Variants in CDH13 observed in about 807,000 individuals in gnomAD.
CDH13 encodes the protein cadherin 13.
CDH13 carries 24 observed loss-of-function variants against 63.8 expected under a neutral mutation model. The ratio of observed to expected loss-of-function variants is 0.38; its 90% CI spans 0.27 to 0.53. The LOEUF (loss-of-function observed/expected upper bound fraction) is 0.53. CDH13 is among the 20% of genes least tolerant of loss of function. CDH13 has a pLI of 0.85. For missense variants in CDH13, 1,049 were observed against 903.1 expected, an observed-to-expected ratio of 1.16 and a Z score of -2.07; for synonymous variants, 503 against 355.3, an observed-to-expected ratio of 1.42 and a Z score of -4.67.
intron 2 of CDH13, among the ~76,000 whole-genome samples, chr16:83,019,164 C>G: frequency 6.6e-6 from 1 of 152,204 alleles, no homozygotes; most frequent in East Asian, 1.9e-4. Flanking sequence ...TGTGGTAACA[C>G]TTAGCTTACA....
intron 1 of CDH13, among the ~76,000 whole-genome samples, chr16:82,638,841 T>A (rs921139836): frequency 9.9e-5 from 15 of 150,824 alleles, no homozygotes; most frequent in Non-Finnish European, 2.2e-4. Flanking sequence ...TGCGTTTGTG[T>A]GCATGCACGC....
chr16:82,651,407 G>T (rs1276920553), intron 1 of CDH13, among the ~76,000 whole-genome samples: 2 of 152,188 alleles, frequency 1.3e-5, no homozygotes, highest in African/African-American at 2.4e-5. Context: ...ACATTTTGCA[G>T]TTAAGAAAAG....
intron 5 of CDH13, among the ~76,000 whole-genome samples, chr16:83,295,978 A>G (rs570739299): frequency 6.6e-6 from 1 of 152,196 alleles, no homozygotes; most frequent in East Asian, 1.9e-4. Context: ...AAAGAATTAA[A>G]ATTGTATCTT....
At chr16:82,939,862 C>G (rs770899299) in intron 2 of CDH13, among the ~76,000 whole-genome samples, 2 of 152,122 alleles carry the variant, frequency 1.3e-5, no homozygotes, top group Admixed American at 1.3e-4. Flanking sequence ...TATATTCGCA[C>G]GTTTTCACGC....
chr16:82,725,991 G>C (rs973325293), intron 1 of CDH13, among the ~76,000 whole-genome samples: 2 of 152,172 alleles, frequency 1.3e-5, no homozygotes, highest in African/African-American at 2.4e-5. Context: ...GGTGCACAGA[G>C]GGTGGCCGTG....
chr16:82,832,384 G>C (rs145043177), intron 1 of CDH13, among the ~76,000 whole-genome samples: 59 of 152,182 alleles, frequency 3.9e-4, no homozygotes, highest in African/African-American at 1.4e-3. Context: ...GTGTTTTACA[G>C]CAAGTAGGTA....
intron 2 of CDH13, among the ~76,000 whole-genome samples, chr16:83,031,743 C>T (rs548509543): frequency 6.6e-6 from 1 of 152,268 alleles, no homozygotes; most frequent in Non-Finnish European, 1.5e-5. Context: ...ACTCTTCACT[C>T]CACTGAGAAG....
At chr16:83,449,055 G>A (rs763999856) in intron 6 of CDH13, among the ~76,000 whole-genome samples, 2 of 152,192 alleles carry the variant, frequency 1.3e-5, no homozygotes, top group South Asian at 2.1e-4. Flanking sequence ...TTTTAGACTC[G>A]AGAATAGATC....
intron 1 of CDH13, among the ~76,000 whole-genome samples, chr16:82,786,044 G>GGCA (rs1387366748): frequency 6.6e-6 from 1 of 152,208 alleles, no homozygotes; most frequent in Non-Finnish European, 1.5e-5. Flanking sequence ...TGAGTGCTTT[G>GGCA]GCAGGAGTCA....
rs2072591377 is a variant in CDH13 at position 83,444,155 on chromosome 16, AGAT to A, written c.782-42314_782-42312del. On this transcript the variant is annotated intron_variant, in intron 6 of 13. Coordinates refer to ENST00000567109, the MANE Select transcript of CDH13 (RefSeq NM_001257.5). ...GAAGATGTGGCTGCTGATGTGACAA[AGAT>A]GATGATGGTGATGGTGATGATGGCA... 1.3e-5 allele frequency among the ~76,000 whole-genome samples: 2 copies of A among 152,070 alleles called. 1 individual carries two copies. The highest frequency in any genetic ancestry group is 2.9e-5 in the Non-Finnish European group (2 of 67,998).
At chr16:82,780,484 C>T (rs1343757115) in intron 1 of CDH13, among the ~76,000 whole-genome samples, 2 of 152,202 alleles carry the variant, frequency 1.3e-5, no homozygotes, top group East Asian at 3.9e-4. Flanking sequence ...CTGACTCTTC[C>T]CCTCTGCAGC....
At chr16:82,761,088 A>T (rs1300561914) in intron 1 of CDH13, among the ~76,000 whole-genome samples, 2 of 119,924 alleles carry the variant, frequency 1.7e-5, no homozygotes, top group South Asian at 5.6e-4. Flanking sequence ...CAGTGGCATG[A>T]TCTTAGCTCA....
intron 1 of CDH13, among the ~76,000 whole-genome samples, chr16:82,685,749 C>T (rs1431281457): frequency 6.6e-6 from 1 of 152,216 alleles, no homozygotes; most frequent in African/African-American, 2.4e-5. Context: ...GCTTTTATCT[C>T]TTCCTATGTG....
intron 6 of CDH13, among the ~76,000 whole-genome samples, chr16:83,365,689 A>G (rs1157342358): frequency 2.6e-5 from 4 of 152,356 alleles, no homozygotes; most frequent in Non-Finnish European, 5.9e-5. Flanking sequence ...CCTTTAAAGC[A>G]GAAGAGGAAG....
At chr16:83,150,071 T>A (rs959618865) in intron 4 of CDH13, among the ~76,000 whole-genome samples, 13 of 152,192 alleles carry the variant, frequency 8.5e-5, no homozygotes, top group African/African-American at 2.9e-4. Context: ...CCTCTCTAGA[T>A]GAAGGTGAGA....
intron 6 of CDH13, among the ~76,000 whole-genome samples, chr16:83,445,493 G>A (rs1195545967): frequency 6.6e-6 from 1 of 152,110 alleles, no homozygotes; most frequent in Non-Finnish European, 1.5e-5. Flanking sequence ...TCACCTGGCT[G>A]CAGGGTGGAG....
chr16:82,879,707 T>A (rs11150509), intron 2 of CDH13, among the ~76,000 whole-genome samples: 35,438 of 136,864 alleles, frequency 0.26, 5,969 homozygotes, highest in East Asian at 0.82. Flanking sequence ...ACCAGTATGT[T>A]TCATTATATA....
At chr16:82,932,925 G>T (rs575405147) in intron 2 of CDH13, among the ~76,000 whole-genome samples, 1 of 152,192 alleles carries the variant, frequency 6.6e-6, no homozygotes, top group African/African-American at 2.4e-5. Flanking sequence ...GAGAAATTGG[G>T]AAGCCATGAT....
intron 5 of CDH13, among the ~76,000 whole-genome samples, chr16:83,324,897 C>T (rs899778002): frequency 3.9e-5 from 6 of 152,194 alleles, no homozygotes; most frequent in African/African-American, 1.4e-4. Flanking sequence ...ACATTGTTTA[C>T]AGGGACCCAT....
Sources: allele counts gnomAD v4.1 joint callset (sites outside exome capture counted in the v4.1 genomes callset), GRCh38; gene constraint gnomAD v4.1.1; transcripts MANE v1.5; gene names NCBI Gene and HGNC (gene_info 2026-07-23, HGNC 2026-07-21).